WWC1: variants seen among roughly 807,000 people sequenced by gnomAD.
The protein encoded by WWC1 is WW and C2 domain containing 1.
A neutral mutation model predicts 138.4 loss-of-function variants in WWC1; 55 were observed. The observed-to-expected ratio is 0.40, with a 90% CI of 0.32 to 0.50. The LOEUF is 0.50. Ranked by LOEUF, WWC1 falls within the 20% of genes least tolerant of loss-of-function variation. The pLI is 0.72. For synonymous variants in WWC1, 524 were observed against 564.9 expected (o/e 0.93, Z 1.03); for missense variants, 1,226 against 1,420.4 (o/e 0.86, Z 2.20).
intron 1 of WWC1, among the ~76,000 whole-genome samples, chr5:168,327,520 A>C (rs2152763784): frequency 6.6e-6 from 1 of 152,360 alleles, no homozygotes; most frequent in Non-Finnish European, 1.5e-5. Flanking sequence ...TACAGTTTAG[A>C]GAAATGGGTT....
At position 168,408,565 on chromosome 5, in the gene WWC1, G is replaced by A. The variant is rs1246999880; in HGVS notation, c.779G>A (p.Trp260Ter). The A allele has an allele frequency of 6.2e-7, 1 of 1,614,178 alleles. No homozygotes were observed. The highest frequency in any genetic ancestry group is 1.1e-5 in the South Asian group (1 of 91,070). ...RTDRGSHSDL[W>*]SSSSSLESSS... The stretch of plus-strand genomic sequence containing the variant: ...GACAGGGGGTCTCACTCAGACCTGT[G>A]GTCCAGCAGCAGCTCTCTGGAGAGT... The change falls in exon 7 of 23, where the codon TGG (tryptophan) becomes TAG (stop). Residue 260 changes from tryptophan (W) to a stop codon, truncating the protein, a stop_gained. Coordinates refer to ENST00000265293, the MANE Select transcript of WWC1 (RefSeq NM_015238.3). LOFTEE classifies it high-confidence loss of function.
At chr5:168,403,079 T>TTTCTTTCTTTCTTTCTTTCTTTCC (rs1491364364) in intron 5 of WWC1, among the ~76,000 whole-genome samples, 1 of 95,782 alleles carries the variant, frequency 1.0e-5, no homozygotes, top group African/African-American at 4.1e-5. Flanking sequence ...TCTTTCTTTC[T>TTTCTTTCTTTCTTTCTTTCTTTCC]TTTCTTTCTT....
intron 8 of WWC1, chr5:168,412,144 C>A: frequency 2.0e-6 from 2 of 985,412 alleles, no homozygotes; most frequent in Non-Finnish European, 2.4e-6. Context: ...GTCCTTGAGA[C>A]ACTAAAGGAC....
intron 8 of WWC1, chr5:168,411,842 C>T (rs1426142248): frequency 9.1e-6 from 3 of 331,054 alleles, no homozygotes; most frequent in Non-Finnish European, 1.3e-5. Context: ...AGGCATGCGT[C>T]GTGTTTCCAG....
intron 1 of WWC1, among the ~76,000 whole-genome samples, chr5:168,315,374 AT>A (rs1238168205): frequency 6.6e-6 from 1 of 151,694 alleles, no homozygotes; most frequent in Non-Finnish European, 1.5e-5. Context: ...ATACACCTTA[AT>A]CTCGAAAACC....
intron 15 of WWC1, among the ~76,000 whole-genome samples, chr5:168,435,999 C>T (rs1267900934): frequency 2.6e-5 from 4 of 152,118 alleles, no homozygotes; most frequent in African/African-American, 9.7e-5. Flanking sequence ...CGCGCCACCA[C>T]ACCTGGCTAA....
rs765029642 is a variant in WWC1, at chr5:168,371,443, T to G, written c.139T>G (p.Phe47Val). ...TGCCAGGTACACCAAACCGCTCACC[T>G]TTGCTGACTGCATTAGTGATGAGTT... is the stretch of plus-strand genomic sequence containing the variant. ...PRDRYTKPLT[F>V]ADCISDELPL... Residue 47 changes from phenylalanine (F) to valine (V), a missense_variant, in exon 2 of 23, where the codon TTT (phenylalanine) becomes GTT (valine). Physicochemically the swap from Phe to Val is conservative, Grantham distance 50 (BLOSUM62 -1). Around this residue, in one of 3 missense-constraint regions of WWC1, gnomAD observed 1,016 missense variants for 1,153.9 expected, o/e 0.88. Coordinates refer to ENST00000265293, the MANE Select transcript of WWC1 (RefSeq NM_015238.3). 1 of 1,614,046 alleles carries G rather than the reference T, an allele frequency of 6.2e-7. No individual in the cohort carries two copies. The highest frequency in any genetic ancestry group is 1.7e-5 in the Admixed American group (1 of 60,008).
rs1341984500 is a variant in WWC1, at chr5:168,470,965, T to G, written c.*1948T>G. The stretch of plus-strand genomic sequence containing the variant: ...TGTAAGTCTTATGCACACCGCAATT[T>G]GAGAGCCCCACTGGTATAAAGTGAG... On this transcript the variant is annotated 3_prime_UTR_variant, in exon 23 of 23. Transcript: ENST00000265293. The G allele has an allele frequency of 6.6e-6, 1 of 152,228 alleles. No homozygotes were observed. Among genetic ancestry groups the G allele is most frequent in the Admixed American group, 6.5e-5 (1 of 15,274 alleles). 9.4% of individuals were successfully genotyped at this position (152,228 alleles called of 1,614,324 possible). A position where few individuals can be genotyped will look rare whatever the true frequency, so the allele number is the denominator to read the frequency against.
At chr5:168,410,460 A>T (rs1327752518) in intron 8 of WWC1, among the ~76,000 whole-genome samples, 1 of 152,278 alleles carries the variant, frequency 6.6e-6, no homozygotes, top group East Asian at 1.9e-4. Context: ...GTGGCTTCAC[A>T]GAATCCTAAG....
chr5:168,350,314 G>A (rs924586264), intron 1 of WWC1, among the ~76,000 whole-genome samples: 3 of 152,220 alleles, frequency 2.0e-5, no homozygotes, highest in African/African-American at 7.2e-5. Flanking sequence ...AGTGGGTTGT[G>A]CAGGAATGAT....
At chr5:168,465,705 A>G (rs1375944029) in intron 21 of WWC1, among the ~76,000 whole-genome samples, 1 of 151,578 alleles carries the variant, frequency 6.6e-6, no homozygotes, top group African/African-American at 2.4e-5. Flanking sequence ...TGACAGGTGC[A>G]TACCAATATG....
rs908668441 is a variant in WWC1, at chr5:168,292,614, G to C, written c.119+343G>C. ...GAGAGGTCGGGCGGGGGCGGGGGTT[G>C]GGGGAGCGACCTAGCCGGGTGAAGC... is the stretch of plus-strand genomic sequence containing the variant. On this transcript the variant is annotated intron_variant, in intron 1 of 22. Transcript: ENST00000265293. The surrounding 1 kb of genome is among the most constrained non-coding windows in gnomAD (Gnocchi z 4.4). Among the ~76,000 whole-genome samples the C allele has an allele frequency of 3.9e-5, 6 of 152,086 alleles. No homozygotes were observed. Among genetic ancestry groups the C allele is most frequent in the Admixed American group, 6.5e-5 (1 of 15,284 alleles).
At chr5:168,371,308 A>C in intron 1 of WWC1, 116 bp from the exon 2 acceptor site, 2 of 683,678 alleles carry the variant, frequency 2.9e-6, no homozygotes, top group Non-Finnish European at 5.2e-6. Context: ...GCTGTGGTGT[A>C]AAACTTTTGG....
chr5:168,356,311 T>C (rs753070164), intron 1 of WWC1, among the ~76,000 whole-genome samples: 1 of 152,262 alleles, frequency 6.6e-6, no homozygotes, highest in Non-Finnish European at 1.5e-5. Context: ...AACATGCCGA[T>C]GCGGCCGGAG....
intron 19 of WWC1, among the ~76,000 whole-genome samples, chr5:168,459,304 G>T (rs1007527826): frequency 1.3e-5 from 2 of 151,034 alleles, no homozygotes; most frequent in East Asian, 1.9e-4. Flanking sequence ...CCCCCTTCTG[G>T]TACCACATGC....
In WWC1 at chr5:168,414,531, G is replaced by T. The variant is rs1261486810; in HGVS notation, c.1125G>T (p.Lys375Asn). The change falls in exon 9 of 23, where the codon AAG (lysine) becomes AAT (asparagine). Residue 375 changes from lysine to asparagine, a missense_variant. This residue lies in a region of WWC1 where 1,016 missense variants were observed against 1,153.9 expected (regional missense o/e 0.88). Transcript: ENST00000265293. ...GEVEQLEMARKRLEKDLQAAR... is the reference protein window; with the variant it reads ...GEVEQLEMARNRLEKDLQAAR... ...TGGAGCAGCTGGAGATGGCCCGGAA[G>T]CGGCTGGAAAAGGACCTGCAGGCAG... The T allele has an allele frequency of 6.4e-7, 1 of 1,555,710 alleles. No individual in the cohort carries two copies. Among genetic ancestry groups the T allele is most frequent in the Non-Finnish European group, 8.7e-7 (1 of 1,149,312 alleles).
At chr5:168,407,432 C>G (rs977989595) in intron 6 of WWC1, among the ~76,000 whole-genome samples, 1 of 152,196 alleles carries the variant, frequency 6.6e-6, no homozygotes, top group African/African-American at 2.4e-5. Context: ...CACAAACCAC[C>G]CTGACCTCAG....
At chr5:168,361,752 A>G (rs1176759512) in intron 1 of WWC1, among the ~76,000 whole-genome samples, 5 of 152,148 alleles carry the variant, frequency 3.3e-5, no homozygotes, top group Non-Finnish European at 7.3e-5. Flanking sequence ...TAATTTTAAC[A>G]TTCTCTACGT....
At chr5:168,373,572 C>T (rs775391871) in intron 2 of WWC1, among the ~76,000 whole-genome samples, 2 of 151,854 alleles carry the variant, frequency 1.3e-5, no homozygotes, top group African/African-American at 2.4e-5. Context: ...TGTTCATGGA[C>T]TGAAATTCTC....
Sources: allele counts gnomAD v4.1 joint callset (sites outside exome capture counted in the v4.1 genomes callset), GRCh38; gene constraint gnomAD v4.1.1; regional missense constraint gnomAD v4.1.1; non-coding constraint Gnocchi (gnomAD v3.1); transcripts MANE v1.5; gene names NCBI Gene and HGNC (gene_info 2026-07-23, HGNC 2026-07-21).